INPP4B: variants seen among roughly 807,000 people sequenced by gnomAD.
INPP4B encodes the protein inositol polyphosphate 4-phosphatase type II.
INPP4B carries 55 observed loss-of-function variants against 122.5 expected under a neutral mutation model. That is an observed-to-expected ratio of 0.45 (90% CI 0.36 to 0.56). The LOEUF is 0.56. Among genes scored for constraint, INPP4B ranks in the 20% least tolerant of loss-of-function variants. The pLI, the probability that INPP4B is intolerant of heterozygous loss-of-function variation, is 0.00. For synonymous variants in INPP4B, 403 were observed against 388.7 expected (o/e 1.04, Z -0.43); for missense variants, 1,000 against 1,097.7 (o/e 0.91, Z 1.26).
intron 2 of INPP4B, among the ~76,000 whole-genome samples, chr4:142,540,776 T>G (rs992054350): frequency 6.6e-6 from 1 of 152,062 alleles, no homozygotes; most frequent in Non-Finnish European, 1.5e-5. Context: ...AGAAGGCATA[T>G]TCTACATGCA....
intron 25 of INPP4B, among the ~76,000 whole-genome samples, chr4:142,047,778 T>C (rs1451966553): frequency 6.6e-6 from 1 of 151,950 alleles, no homozygotes; most frequent in African/African-American, 2.4e-5. Flanking sequence ...CAAAGAAAGA[T>C]AGCACAGATA....
At chr4:142,675,632 CA>C (rs1183848072) in intron 2 of INPP4B, among the ~76,000 whole-genome samples, 1 of 152,138 alleles carries the variant, frequency 6.6e-6, no homozygotes, top group Non-Finnish European at 1.5e-5. Context: ...AGCAGCACAT[CA>C]AAAAGCTTAT....
At chr4:142,590,678 A>G (rs1737234221) in intron 2 of INPP4B, among the ~76,000 whole-genome samples, 2 of 151,890 alleles carry the variant, frequency 1.3e-5, no homozygotes, top group Non-Finnish European at 2.9e-5. Context: ...ATTTAGCTTA[A>G]TATTGTATAT....
intron 11 of INPP4B, among the ~76,000 whole-genome samples, chr4:142,239,868 T>C (rs1385424952): frequency 6.6e-6 from 1 of 152,096 alleles, no homozygotes; most frequent in Non-Finnish European, 1.5e-5. Flanking sequence ...ATAAGTGCTA[T>C]TTTTCAACCT....
At chr4:142,698,819 T>C (rs1761345716) in intron 2 of INPP4B, among the ~76,000 whole-genome samples, 1 of 152,172 alleles carries the variant, frequency 6.6e-6, no homozygotes, top group Non-Finnish European at 1.5e-5. Flanking sequence ...AAGAAGGCCT[T>C]CAGGAACCTC....
chr4:142,095,101 G>A (rs1006966357), intron 23 of INPP4B, among the ~76,000 whole-genome samples: 8 of 151,998 alleles, frequency 5.3e-5, no homozygotes, highest in South Asian at 2.1e-4. Flanking sequence ...GTTATTTTCC[G>A]ACCCACTTGA....
At chr4:142,691,618 C>T (rs1260816072) in intron 2 of INPP4B, among the ~76,000 whole-genome samples, 2 of 152,146 alleles carry the variant, frequency 1.3e-5, no homozygotes, top group African/African-American at 4.8e-5. Flanking sequence ...TTACCTGACT[C>T]AGAAAACCTC....
chr4:142,806,515 G>C (rs1778743341), intron 1 of INPP4B, among the ~76,000 whole-genome samples: 1 of 151,812 alleles, frequency 6.6e-6, no homozygotes, highest in Non-Finnish European at 1.5e-5. Context: ...GCCAAGGGGG[G>C]TGAATCACTT....
chr4:142,082,067 T>C lies in INPP4B; in HGVS notation c.2606A>G (p.Lys869Arg). The change falls in exon 25 of 26, where the codon AAG becomes AGG. Residue 869 changes from lysine to arginine, a missense_variant. Transcript: ENST00000262992. Reference sequence around the variant, plus strand: ...ATCCAGCGCTCGGATAAAGAAGTCCTTGTGTAACTGGTGCTCATCTCTCAA... The same window carrying C: ...ATCCAGCGCTCGGATAAAGAAGTCCCTGTGTAACTGGTGCTCATCTCTCAA... ...SILRDEHQLHKDFFIRALDCM... is the reference protein window; with the variant it reads ...SILRDEHQLHRDFFIRALDCM... 3 of 1,480,124 alleles carry C rather than the reference T, an allele frequency of 2.0e-6. No individual in the cohort carries two copies. Among genetic ancestry groups the C allele is most frequent in the Non-Finnish European group, 2.8e-6 (3 of 1,090,496 alleles). The allele number at this position is 1,480,124 out of a possible 1,614,324, so 91.7% of individuals were successfully genotyped here. A position where few individuals can be genotyped will look rare whatever the true frequency, so the allele number is the denominator to read the frequency against.
intron 18 of INPP4B, among the ~76,000 whole-genome samples, chr4:142,131,624 G>A (rs1801310560): frequency 6.6e-6 from 1 of 152,200 alleles, no homozygotes; most frequent in African/African-American, 2.4e-5. Flanking sequence ...ACCAAACAAT[G>A]TAAACAGTAC....
At chr4:142,323,523 G>A (rs1049599820) in intron 7 of INPP4B, among the ~76,000 whole-genome samples, 2 of 143,094 alleles carry the variant, frequency 1.4e-5, no homozygotes, top group Non-Finnish European at 3.0e-5. Context: ...TTGGCTCACT[G>A]CAAGCTCTGC....
intron 3 of INPP4B, among the ~76,000 whole-genome samples, chr4:142,435,625 C>T (rs1810297974): frequency 6.6e-6 from 1 of 152,104 alleles, no homozygotes. Context: ...CTGGCATGAC[C>T]CAGAGAGTAA....
At chr4:142,058,412 C>G (rs1270942772) in intron 25 of INPP4B, among the ~76,000 whole-genome samples, 1 of 152,144 alleles carries the variant, frequency 6.6e-6, no homozygotes, top group African/African-American at 2.4e-5. Flanking sequence ...CACAATATTA[C>G]TGTGCCATTA....
chr4:142,608,810 A>G lies in INPP4B; in HGVS notation c.-191+117029T>C, dbSNP rs561756234. On this transcript the variant is annotated intron_variant, in intron 2 of 25. Coordinates refer to ENST00000262992, the MANE Select transcript of INPP4B (RefSeq NM_001101669.3). ...TACTTTCAAGATCCTCTCTGTCTTC[A>G]CTGTATCTCACCTTTCTAGCCAGTG... Among the ~76,000 whole-genome samples, 15 of 152,280 alleles carry G rather than the reference A, an allele frequency of 9.9e-5. 1 individual carries two copies. In the South Asian group the frequency reaches 3.1e-3, roughly 32 times the overall value.
chr4:142,091,984 C>G (rs1449984602), intron 23 of INPP4B, among the ~76,000 whole-genome samples: 1 of 152,200 alleles, frequency 6.6e-6, no homozygotes, highest in Non-Finnish European at 1.5e-5. Context: ...CACCACACTC[C>G]CACTCTGACG....
intron 23 of INPP4B, among the ~76,000 whole-genome samples, chr4:142,099,974 G>C (rs1029964261): frequency 1.3e-5 from 2 of 152,110 alleles, no homozygotes; most frequent in Admixed American, 1.3e-4. Flanking sequence ...TTACTGTGCA[G>C]GCAGAATCAC....
intron 21 of INPP4B, among the ~76,000 whole-genome samples, chr4:142,119,610 C>A (rs1578973221): frequency 6.9e-6 from 1 of 145,586 alleles, no homozygotes; most frequent in Admixed American, 7.1e-5. Context: ...AACACTTGGA[C>A]ACAGGATGGG....
At chr4:142,305,598 C>T in intron 8 of INPP4B, 61 bp from the exon 9 acceptor site, 2 of 1,552,848 alleles carry the variant, frequency 1.3e-6, no homozygotes, top group African/African-American at 1.4e-5. Context: ...TTTGCTGTCA[C>T]ATCAATCAAA....
At chr4:142,833,378 C>A (rs1050739969) in intron 1 of INPP4B, among the ~76,000 whole-genome samples, 1 of 151,932 alleles carries the variant, frequency 6.6e-6, no homozygotes, top group African/African-American at 2.4e-5. Flanking sequence ...TGCTCAGCCA[C>A]CCACATCACC....
Sources: gnomAD v4.1 joint callset for allele counts (sites outside exome capture counted in the v4.1 genomes callset) on GRCh38, gnomAD v4.1.1 for gene constraint, MANE v1.5 for transcripts, NCBI Gene and HGNC (gene_info 2026-07-23, HGNC 2026-07-21) for gene names.